ZNF438: variants seen among roughly 807,000 people sequenced by gnomAD.
ZNF438 encodes the protein zinc finger protein 438.
Under a neutral mutation model 38.0 loss-of-function variants are expected in ZNF438, and 25 were observed. The observed-to-expected ratio is 0.66, with a 90% confidence interval of 0.48 to 0.92. The LOEUF is 0.92. ZNF438 is among the 40% of genes least tolerant of loss of function. ZNF438 has a pLI of 0.00. For synonymous variants in ZNF438, 372 were observed against 364.1 expected, an observed-to-expected ratio of 1.02 and a Z score of -0.25; for missense variants, 1,007 against 999.6, an observed-to-expected ratio of 1.01 and a Z score of -0.10.
chr10:30,985,703 AGTT>A (rs1441287510), intron 1 of ZNF438, among the ~76,000 whole-genome samples: 1 of 152,228 alleles, frequency 6.6e-6, no homozygotes, highest in Non-Finnish European at 1.5e-5. Flanking sequence ...TATTCACAGT[AGTT>A]AAGTTCTATG....
intron 3 of ZNF438, among the ~76,000 whole-genome samples, chr10:30,898,539 T>C (rs1426027418): frequency 1.3e-5 from 2 of 152,110 alleles, no homozygotes; most frequent in African/African-American, 4.8e-5. Flanking sequence ...TACACACACA[T>C]ATATAACTAT....
At chr10:30,850,059 T>A in exon 5 of ZNF438, 1 of 1,614,132 alleles carries the variant, frequency 6.2e-7, no homozygotes, top group Non-Finnish European at 8.5e-7. Context: ...AGTTTCAGGT[T>A]TTCAGGTAGG....
At chr10:30,920,785 C>A (rs2934642) in intron 2 of ZNF438, 119,369 of 152,172 alleles carry the variant, frequency 0.78, 47,746 homozygotes, top group African/African-American at 0.92. Context: ...TAGAAATAGC[C>A]GAGTGTAGCC....
At chr10:31,029,078 G>A (rs1222772067) in intron 1 of ZNF438, among the ~76,000 whole-genome samples, 3 of 152,196 alleles carry the variant, frequency 2.0e-5, no homozygotes, top group Non-Finnish European at 2.9e-5. Flanking sequence ...TTCACTCGGA[G>A]GTGGTTACAG....
intron 2 of ZNF438, among the ~76,000 whole-genome samples, chr10:30,933,560 G>A (rs1185620135): frequency 6.6e-6 from 1 of 152,184 alleles, no homozygotes; most frequent in East Asian, 1.9e-4. Flanking sequence ...CAAGGCTACT[G>A]TGAGTTATGA....
At chr10:30,974,283 C>A (rs932181218) in intron 1 of ZNF438, among the ~76,000 whole-genome samples, 1 of 152,182 alleles carries the variant, frequency 6.6e-6, no homozygotes, top group African/African-American at 2.4e-5. Context: ...AGTTTGAGAT[C>A]AGCCTGTTTA....
chr10:31,016,432 A>AG (rs1375654918), intron 1 of ZNF438, among the ~76,000 whole-genome samples: 2 of 152,250 alleles, frequency 1.3e-5, no homozygotes, highest in African/African-American at 4.8e-5. Flanking sequence ...TAACTAGGAT[A>AG]TAAGCTAAAC....
chr10:31,001,051 T>C (rs886658298), intron 1 of ZNF438, among the ~76,000 whole-genome samples: 2 of 152,180 alleles, frequency 1.3e-5, no homozygotes, highest in Non-Finnish European at 2.9e-5. Flanking sequence ...AAGAAATAAC[T>C]GCTTCTCCAT....
At chr10:30,886,759 T>TTGAAA (rs1036939889) in intron 3 of ZNF438, among the ~76,000 whole-genome samples, 1 of 152,200 alleles carries the variant, frequency 6.6e-6, no homozygotes, top group Admixed American at 6.5e-5. Flanking sequence ...AAATCTTGAG[T>TTGAAA]TGAACTAAGG....
chr10:30,995,720 A>G (rs1014866354), intron 1 of ZNF438, among the ~76,000 whole-genome samples: 2 of 152,236 alleles, frequency 1.3e-5, no homozygotes, highest in Admixed American at 1.3e-4. Flanking sequence ...ACTGCTATAC[A>G]TTTAGACAAT....
At chr10:30,897,867 CAG>C (rs1377644884) in intron 3 of ZNF438, among the ~76,000 whole-genome samples, 2 of 152,140 alleles carry the variant, frequency 1.3e-5, no homozygotes, top group Non-Finnish European at 2.9e-5. Flanking sequence ...AAACCGCTGA[CAG>C]AGATTGTTCA....
chr10:30,989,423 C>G (rs1406058204), intron 1 of ZNF438, among the ~76,000 whole-genome samples: 1 of 152,174 alleles, frequency 6.6e-6, no homozygotes, highest in Non-Finnish European at 1.5e-5. Flanking sequence ...TAAAGAAGAA[C>G]AGAATCCCAG....
At chr10:30,908,321 G>A (rs1001002116) in intron 3 of ZNF438, among the ~76,000 whole-genome samples, 31 of 152,130 alleles carry the variant, frequency 2.0e-4, no homozygotes, top group African/African-American at 6.8e-4. Context: ...TGTTCCATAT[G>A]CACTTGAATG....
chr10:30,849,377 G>A, exon 5 of ZNF438: 2 of 1,614,222 alleles, frequency 1.2e-6, no homozygotes, highest in Non-Finnish European at 8.5e-7. Context: ...TAGCCTGCTT[G>A]CCACCTTGGT....
At chr10:30,971,613 T>C (rs925899640) in intron 1 of ZNF438, among the ~76,000 whole-genome samples, 3 of 152,184 alleles carry the variant, frequency 2.0e-5, no homozygotes, top group African/African-American at 7.2e-5. Context: ...TTCAATTCCA[T>C]AGTTGATTTC....
chr10:30,876,972 C>A (rs1408669985), intron 4 of ZNF438, 26 bp downstream of exon 5: 1 of 1,594,718 alleles, frequency 6.3e-7, no homozygotes, highest in South Asian at 1.2e-5. Flanking sequence ...AGACTCATCA[C>A]CATTTTCCTC....
chr10:30,860,878 G>T (rs1325912346), intron 4 of ZNF438, among the ~76,000 whole-genome samples: 1 of 152,170 alleles, frequency 6.6e-6, no homozygotes, highest in Non-Finnish European at 1.5e-5. Flanking sequence ...AAGAAAGTGG[G>T]GTAAGTACAG....
At chr10:30,927,381 T>C (rs2045079800) in intron 2 of ZNF438, among the ~76,000 whole-genome samples, 2 of 152,204 alleles carry the variant, frequency 1.3e-5, no homozygotes, top group African/African-American at 4.8e-5. Context: ...TCCACATATA[T>C]ATGACCTTGG....
At chr10:30,954,020 G>T (rs1022928052) in intron 1 of ZNF438, among the ~76,000 whole-genome samples, 1 of 152,098 alleles carries the variant, frequency 6.6e-6, no homozygotes, top group Non-Finnish European at 1.5e-5. Flanking sequence ...GCGGGCACCT[G>T]TAATCCCAGC....
Sources: gnomAD v4.1 joint callset for allele counts (sites outside exome capture counted in the v4.1 genomes callset) on GRCh38, gnomAD v4.1.1 for gene constraint, MANE v1.5 for transcripts, NCBI Gene and HGNC (gene_info 2026-07-23, HGNC 2026-07-21) for gene names.